Variants in MCC observed in about 807,000 individuals in gnomAD.
MCC encodes MCC regulator of Wnt signaling pathway.
MCC carries 90 observed loss-of-function variants against 116.2 expected under a neutral mutation model. The observed-to-expected ratio is 0.77, with a 90% CI of 0.65 to 0.92. MCC has a LOEUF of 0.92. Ranked by LOEUF, MCC falls within the 40% of genes least tolerant of loss-of-function variation. The pLI, the probability that MCC is intolerant of heterozygous loss-of-function variation, is 0.00. For synonymous variants in MCC, 578 were observed against 510.5 expected, an observed-to-expected ratio of 1.13 and a Z score of -1.78; for missense variants, 1,516 against 1,312.2, an observed-to-expected ratio of 1.16 and a Z score of -2.40.
Position 113,434,314 on chromosome 5 carries a change from A to G in MCC, c.171-49102T>C. The G allele has an allele frequency of 6.2e-7, 1 of 1,614,086 alleles. No homozygotes were observed. The highest frequency in any genetic ancestry group is 8.5e-7 in the Non-Finnish European group (1 of 1,179,966). On this transcript the variant is annotated intron_variant, in intron 1 of 18. Coordinates refer to ENST00000408903, the MANE Select transcript of MCC (RefSeq NM_001085377.2). The surrounding 1 kb of genome is among the most constrained non-coding windows in gnomAD (Gnocchi z 4.2). ...GGGGCCGCATACGCTGGTGACCCAC[A>G]GAAGGTCTTGCTTAATGCCATTCGA...
intron 1 of MCC, among the ~76,000 whole-genome samples, chr5:113,486,232 G>T (rs1483640005): frequency 1.3e-5 from 2 of 152,132 alleles, no homozygotes; most frequent in Non-Finnish European, 2.9e-5. Context: ...TATGATTTAG[G>T]GTTCATTACT....
In MCC at chr5:113,026,298, A is replaced by G. The variant is rs1037588504; in HGVS notation, c.*1004T>C. ...TACACAGCACTCTTAAGTAGGCGTGATAAGTTTTGCAAAATGTTCAGTATC... is the reference window on the plus strand; with the variant it reads ...TACACAGCACTCTTAAGTAGGCGTGGTAAGTTTTGCAAAATGTTCAGTATC... On this transcript the variant is annotated 3_prime_UTR_variant, in exon 19 of 19. Transcript: ENST00000408903. The G allele has an allele frequency of 5.9e-5, 9 of 152,232 alleles. No individual in the cohort carries two copies. The highest frequency in any genetic ancestry group is 1.7e-4 in the African/African-American group (7 of 41,460). The allele number at this position is 152,232 out of a possible 1,614,324, so 9.4% of individuals were successfully genotyped here.
rs1756415859 is a variant in MCC, at chr5:113,101,629, C to G, written c.1398+110G>C. The G allele has an allele frequency of 3.4e-6, 4 of 1,177,740 alleles. No homozygotes were observed. The South Asian group carries it at 5.4e-5, about 16-fold the overall frequency. The allele number at this position is 1,177,740 out of a possible 1,614,324, so 73.0% of individuals were successfully genotyped here. A position where few individuals can be genotyped will look rare whatever the true frequency, so the allele number is the denominator to read the frequency against. ...ATAACAGGAAAGAGACAGTGATTCC[C>G]AAAATTACAAATGCCACAAAATTCT... is the stretch of plus-strand genomic sequence containing the variant. On this transcript the variant is annotated intron_variant, in intron 8 of 18. Coordinates refer to ENST00000408903, the MANE Select transcript of MCC (RefSeq NM_001085377.2).
chr5:113,393,503 A>G (rs531925668), intron 1 of MCC, among the ~76,000 whole-genome samples: 37 of 152,326 alleles, frequency 2.4e-4, no homozygotes, highest in African/African-American at 8.7e-4. Context: ...ACTAGAGAGC[A>G]TCTGGTTATT....
At chr5:113,314,179 TAA>T (rs1767217006) in intron 3 of MCC, among the ~76,000 whole-genome samples, 1 of 152,232 alleles carries the variant, frequency 6.6e-6, no homozygotes, top group African/African-American at 2.4e-5. Context: ...GAGGCCTGTA[TAA>T]AATCTGTCAT....
At chr5:113,374,252 C>T (rs1768924864) in intron 2 of MCC, among the ~76,000 whole-genome samples, 2 of 148,002 alleles carry the variant, frequency 1.4e-5, no homozygotes, top group African/African-American at 5.1e-5. Context: ...TTGCAATAGT[C>T]GCTCCAGAAA....
chr5:113,372,685 T>C (rs545652371), intron 2 of MCC, among the ~76,000 whole-genome samples: 1 of 152,290 alleles, frequency 6.6e-6, no homozygotes, highest in East Asian at 1.9e-4. Flanking sequence ...TTGTTCTGCA[T>C]GTAAAACACT....
chr5:113,069,615 C>A (rs1000383588), intron 12 of MCC, among the ~76,000 whole-genome samples: 1 of 152,244 alleles, frequency 6.6e-6, no homozygotes, highest in Non-Finnish European at 1.5e-5. Flanking sequence ...GTCGCCCAGG[C>A]TGGAGTGCAG....
chr5:113,294,658 A>G lies in MCC; in HGVS notation c.627+45861T>C, dbSNP rs968036611. ...CGGCAGCGGCGGAGCCCGCGCGGGG[A>G]CCCTCCCGCGCGCACCCAGCGCCCC... On this transcript the variant is annotated intron_variant, in intron 3 of 18. Coordinates refer to ENST00000408903, the MANE Select transcript of MCC (RefSeq NM_001085377.2). 38 of 1,079,724 alleles carry G rather than the reference A, an allele frequency of 3.5e-5. No individual in the cohort carries two copies. The African/African-American group carries it at 6.2e-4, about 18-fold the overall frequency. The allele number at this position is 1,079,724 out of a possible 1,614,324, so 66.9% of individuals were successfully genotyped here.
At chr5:113,029,355 C>T (rs981742197) in intron 17 of MCC, among the ~76,000 whole-genome samples, 3 of 150,450 alleles carry the variant, frequency 2.0e-5, no homozygotes, top group African/African-American at 7.3e-5. Flanking sequence ...TTCCTTTCTA[C>T]TATTGGCATA....
At chr5:113,440,716 A>T (rs1181831712) in intron 1 of MCC, among the ~76,000 whole-genome samples, 1 of 152,168 alleles carries the variant, frequency 6.6e-6, no homozygotes, top group Non-Finnish European at 1.5e-5. Context: ...TTAAGGGAAC[A>T]GGTAAGAAAC....
At chr5:113,425,082 A>T (rs1580357726) in intron 1 of MCC, among the ~76,000 whole-genome samples, 3 of 152,320 alleles carry the variant, frequency 2.0e-5, no homozygotes, top group Admixed American at 2.0e-4. Context: ...GACCACAGAA[A>T]CAATTTTTTT....
intron 3 of MCC, among the ~76,000 whole-genome samples, chr5:113,326,876 T>C (rs1010338222): frequency 5.9e-5 from 9 of 152,342 alleles, no homozygotes; most frequent in Admixed American, 2.6e-4. Flanking sequence ...GGTCTTTTTC[T>C]ATAATGAAAT....
In MCC at chr5:113,263,852, C is replaced by T. The variant is rs146851935; in HGVS notation, c.627+76667G>A. 1.7e-3 allele frequency among the ~76,000 whole-genome samples: 251 copies of T among 148,882 alleles called. 2 individuals are homozygous for T. Among genetic ancestry groups the T allele is most frequent in the African/African-American group, 5.9e-3 (238 of 40,304 alleles). On this transcript the variant is annotated intron_variant, in intron 3 of 18. Transcript: ENST00000408903. ...ACACAAGCCTCACACTTCATCATGG[C>T]AATAGCAAAATAACTGAAGGGAATA...
At chr5:113,057,330 G>A (rs1447767058) in intron 14 of MCC, among the ~76,000 whole-genome samples, 1 of 152,186 alleles carries the variant, frequency 6.6e-6, no homozygotes, top group Non-Finnish European at 1.5e-5. Flanking sequence ...CCTCTAGGAT[G>A]AGTAGAGATG....
At chr5:113,200,124 G>A (rs964152761) in intron 3 of MCC, among the ~76,000 whole-genome samples, 7 of 152,106 alleles carry the variant, frequency 4.6e-5, no homozygotes, top group African/African-American at 9.7e-5. Context: ...AGTGGAGGAA[G>A]ACACGTAAAA....
At chr5:113,299,184 A>AGGCT (rs918620880) in intron 3 of MCC, among the ~76,000 whole-genome samples, 1 of 151,734 alleles carries the variant, frequency 6.6e-6, no homozygotes, top group African/African-American at 2.4e-5. Flanking sequence ...GATACTCAGG[A>AGGCT]GGCTGAGGCA....
Position 113,126,556 on chromosome 5 carries a change from C to CT in MCC, c.885-3731dup, listed in dbSNP as rs201796133. Reference sequence around the variant, plus strand: ...GAAATTTGTGACAACTTGAAAAAAACTCAGATGAATCGTATAGCCTAGAAA... The same window carrying CT: ...GAAATTTGTGACAACTTGAAAAAAACTTCAGATGAATCGTATAGCCTAGAAA... On this transcript the variant is annotated intron_variant, in intron 5 of 18. Transcript: ENST00000408903. 4.4e-3 allele frequency among the ~76,000 whole-genome samples: 672 copies of CT among 152,128 alleles called. 4 individuals carry two copies. Among genetic ancestry groups the CT allele is most frequent in the South Asian group, 7.9e-3 (38 of 4,816 alleles).
chr5:113,314,641 G>A (rs972938857), intron 3 of MCC, among the ~76,000 whole-genome samples: 7 of 152,184 alleles, frequency 4.6e-5, no homozygotes, highest in Non-Finnish European at 8.8e-5. Context: ...AGGCTGGAGT[G>A]CAATGGCGTG....
Sources: gnomAD v4.1 joint callset for allele counts (sites outside exome capture counted in the v4.1 genomes callset) on GRCh38, gnomAD v4.1.1 for gene constraint, Gnocchi (gnomAD v3.1) non-coding constraint, MANE v1.5 for transcripts, NCBI Gene and HGNC (gene_info 2026-07-23, HGNC 2026-07-21) for gene names.